Variants in FAM110B observed in about 807,000 individuals in gnomAD.
FAM110B encodes protein FAM110B.
FAM110B carries 6 observed loss-of-function variants against 20.4 expected under a neutral mutation model. The ratio of observed to expected loss-of-function variants is 0.29; its 90% CI spans 0.16 to 0.58. The LOEUF (loss-of-function observed/expected upper bound fraction) is 0.58, where lower values mean the gene tolerates loss of function less well. Ranked by LOEUF, FAM110B falls within the 20% of genes least tolerant of loss-of-function variation. The pLI is 0.90. For synonymous variants in FAM110B, 226 were observed against 214.1 expected, an observed-to-expected ratio of 1.06 and a Z score of -0.49; for missense variants, 434 against 498.2, an observed-to-expected ratio of 0.87 and a Z score of 1.23.
At chr8:58,052,952 AT>A (rs369704347) in intron 2 of FAM110B, among the ~76,000 whole-genome samples, 7,248 of 147,222 alleles carry the variant, frequency 0.049, 287 homozygotes, top group African/African-American at 0.098. Context: ...CGCCCGGCTA[AT>A]TTTTTGTATT....
At chr8:58,141,019 T>C (rs10957032) in intron 3 of FAM110B, among the ~76,000 whole-genome samples, 8,086 of 152,292 alleles carry the variant, frequency 0.053, 274 homozygotes, top group Admixed American at 0.094. Flanking sequence ...TCAGTACTCT[T>C]GTATTGTAAA....
chr8:58,020,676 G>T (rs1804732620), intron 1 of FAM110B, among the ~76,000 whole-genome samples: 1 of 152,226 alleles, frequency 6.6e-6, no homozygotes, highest in Non-Finnish European at 1.5e-5. Flanking sequence ...TGGGCTACAT[G>T]ATTTCTCTCA....
intron 3 of FAM110B, among the ~76,000 whole-genome samples, chr8:58,140,184 G>A (rs1280900817): frequency 3.3e-5 from 5 of 152,072 alleles, no homozygotes; most frequent in African/African-American, 7.2e-5. Flanking sequence ...AGCTGGGAAC[G>A]ACTCATCCTC....
intron 3 of FAM110B, among the ~76,000 whole-genome samples, chr8:58,096,628 T>C (rs1806638677): frequency 6.6e-6 from 1 of 152,226 alleles, no homozygotes; most frequent in African/African-American, 2.4e-5. Context: ...TGCAGTTTCT[T>C]CCTAGTGTTG....
At chr8:58,023,471 A>G (rs1174735720) in intron 1 of FAM110B, among the ~76,000 whole-genome samples, 1 of 152,158 alleles carries the variant, frequency 6.6e-6, no homozygotes, top group African/African-American at 2.4e-5. Flanking sequence ...AAAAGTAAAT[A>G]TTTTTCAATA....
At chr8:58,143,366 A>G (rs936691681) in intron 3 of FAM110B, among the ~76,000 whole-genome samples, 1 of 152,178 alleles carries the variant, frequency 6.6e-6, no homozygotes, top group African/African-American at 2.4e-5. Context: ...AACCATGGTC[A>G]TGTCAAAACA....
At chr8:58,026,079 A>G (rs1804850093) in intron 1 of FAM110B, among the ~76,000 whole-genome samples, 1 of 152,204 alleles carries the variant, frequency 6.6e-6, no homozygotes, top group Non-Finnish European at 1.5e-5. Context: ...CATTCACAAC[A>G]TAATAGAACA....
chr8:58,132,351 C>A (rs769541857), intron 3 of FAM110B, among the ~76,000 whole-genome samples: 1 of 152,076 alleles, frequency 6.6e-6, no homozygotes, highest in Non-Finnish European at 1.5e-5. Flanking sequence ...CAGCATGGGG[C>A]TTGGCATCGT....
intron 2 of FAM110B, among the ~76,000 whole-genome samples, chr8:58,074,951 T>G (rs1317183039): frequency 6.6e-6 from 1 of 152,226 alleles, no homozygotes; most frequent in East Asian, 1.9e-4. Flanking sequence ...ATATTCTTCT[T>G]TCTGCATAAT....
At chr8:58,073,496 T>C (rs1415703700) in intron 2 of FAM110B, among the ~76,000 whole-genome samples, 1 of 152,188 alleles carries the variant, frequency 6.6e-6, no homozygotes, top group Non-Finnish European at 1.5e-5. Context: ...TCCATACATG[T>C]AAAATATCAT....
At chr8:58,082,093 G>C (rs1182068420) in intron 3 of FAM110B, among the ~76,000 whole-genome samples, 1 of 152,168 alleles carries the variant, frequency 6.6e-6, no homozygotes, top group Non-Finnish European at 1.5e-5. Context: ...CATGGGCTAG[G>C]GTTGAAATCC....
At chr8:58,111,235 T>C (rs1807051689) in intron 3 of FAM110B, among the ~76,000 whole-genome samples, 1 of 152,208 alleles carries the variant, frequency 6.6e-6, no homozygotes, top group South Asian at 2.1e-4. Flanking sequence ...TGCCTGTATA[T>C]TTGAAAAATA....
chr8:58,146,075 G>A lies in FAM110B; in HGVS notation c.-156G>A. The A allele has an allele frequency of 3.7e-6, 3 of 816,038 alleles. No individual in the cohort carries two copies. Among genetic ancestry groups the A allele is most frequent in the Non-Finnish European group, 5.7e-6 (3 of 529,626 alleles). 50.5% of individuals were successfully genotyped at this position (816,038 alleles called of 1,614,324 possible). ...TGAAAGCCACCGTGGCGGTTAATGA[G>A]CTGTGAGATGAGGCGCTGCTGCGGC... On this transcript the variant is annotated 5_prime_UTR_variant, in exon 4 of 4. Coordinates refer to ENST00000519262, the MANE Select transcript of FAM110B (RefSeq NM_001377989.1).
chr8:58,035,132 G>A (rs1805050479), intron 2 of FAM110B, among the ~76,000 whole-genome samples: 1 of 152,026 alleles, frequency 6.6e-6, no homozygotes. Flanking sequence ...TATATTCTTG[G>A]ATTTTTATGA....
At chr8:58,078,791 C>G (rs1219932059) in intron 3 of FAM110B, among the ~76,000 whole-genome samples, 3 of 151,688 alleles carry the variant, frequency 2.0e-5, no homozygotes, top group African/African-American at 4.8e-5. Flanking sequence ...ACCTCGTGAT[C>G]CGCCCGCCTC....
intron 3 of FAM110B, among the ~76,000 whole-genome samples, chr8:58,085,499 C>T (rs367731556): frequency 4.6e-5 from 7 of 152,082 alleles, no homozygotes; most frequent in Non-Finnish European, 1.0e-4. Context: ...GGTGACAGAA[C>T]GAGACTCTGT....
intron 2 of FAM110B, among the ~76,000 whole-genome samples, chr8:58,060,898 G>C (rs966586170): frequency 1.3e-5 from 2 of 152,076 alleles, no homozygotes; most frequent in Non-Finnish European, 2.9e-5. Context: ...GACCCACCAT[G>C]ACTGATGGAA....
At chr8:58,011,441 G>C (rs532789843) in intron 1 of FAM110B, among the ~76,000 whole-genome samples, 72 of 152,138 alleles carry the variant, frequency 4.7e-4, no homozygotes, top group African/African-American at 1.7e-3. Flanking sequence ...CAGGAACTCT[G>C]TTTCCTATGG....
chr8:58,041,686 A>G (rs1427598095), intron 2 of FAM110B, among the ~76,000 whole-genome samples: 1 of 152,220 alleles, frequency 6.6e-6, no homozygotes, highest in Non-Finnish European at 1.5e-5. Flanking sequence ...GCTGTCACCA[A>G]CTTGTGACAT....
Sources: allele counts gnomAD v4.1 joint callset (sites outside exome capture counted in the v4.1 genomes callset), GRCh38; gene constraint gnomAD v4.1.1; transcripts MANE v1.5; gene names NCBI Gene and HGNC (gene_info 2026-07-23, HGNC 2026-07-21).